MYO15B: variants seen among roughly 807,000 people sequenced by gnomAD.
MYO15B encodes the protein myosin XVB, also known as myosin XVB pseudogene.
MYO15B carries 207 observed loss-of-function variants against 119.3 expected under a neutral mutation model. The observed-to-expected ratio is 1.73, with a 90% CI of 1.55 to 1.95. The LOEUF is 1.95. Among genes scored for constraint, MYO15B ranks in the 30% most tolerant of loss-of-function variants. MYO15B has a pLI of 0.00. For missense variants in MYO15B, 2,264 were observed against 1,203.1 expected (o/e 1.88, Z -13.04); for synonymous variants, 966 against 498.9 (o/e 1.94, Z -12.48).
At position 75,614,026 on chromosome 17, in the gene MYO15B, G is replaced by A. The variant is rs2058201379; in HGVS notation, c.5220-173G>A. ...GCTGGAGCCCTTGTGGAAGTGGAGGGCCGTGAGGTGAGGAGGGGAGCAGCC... is the reference window on the plus strand; with the variant it reads ...GCTGGAGCCCTTGTGGAAGTGGAGGACCGTGAGGTGAGGAGGGGAGCAGCC... On this transcript the variant is annotated intron_variant, in intron 29 of 63. Coordinates refer to ENST00000645453, the Ensembl canonical transcript of MYO15B. The A allele has an allele frequency of 6.6e-6, 4 of 603,174 alleles. No homozygotes were observed. The East Asian group carries it at 8.3e-5, about 12-fold the overall frequency. The allele number at this position is 603,174 out of a possible 1,614,324, so 37.4% of individuals were successfully genotyped here.
At chr17:75,600,989 C>A (rs367581509) in intron 14 of MYO15B, among the ~76,000 whole-genome samples, 2 of 151,276 alleles carry the variant, frequency 1.3e-5, no homozygotes, top group Non-Finnish European at 2.9e-5. Context: ...CTGCAACCTC[C>A]GCCTCCTGGG....
At chr17:75,600,229 A>G (rs1458515140) in intron 14 of MYO15B, among the ~76,000 whole-genome samples, 1 of 151,802 alleles carries the variant, frequency 6.6e-6, no homozygotes, top group Non-Finnish European at 1.5e-5. Flanking sequence ...GGGTTTCACC[A>G]TGTTAGCCAG....
chr17:75,613,713 TA>T lies in MYO15B; in HGVS notation c.5156del (p.Tyr1719SerfsTer53), dbSNP rs2058177407. On this transcript the variant is annotated frameshift_variant, in exon 29 of 64. Transcript: ENST00000645453. LOFTEE classifies it high-confidence loss of function. Reference sequence around the variant, plus strand: ...CCCCCATGCCCCTGCAGAGGAGTGCTACTCGGCCGAGGTGGAGTCTTGGACC... The same window carrying T: ...CCCCCATGCCCCTGCAGAGGAGTGCTCTCGGCCGAGGTGGAGTCTTGGACC... 2.8e-6 allele frequency: 2 copies of T among 702,224 alleles called. No homozygotes were observed. The highest frequency in any genetic ancestry group is 5.2e-6 in the Non-Finnish European group (2 of 384,686). The allele number at this position is 702,224 out of a possible 1,614,324, so 43.5% of individuals were successfully genotyped here. A position where few individuals can be genotyped will look rare whatever the true frequency, so the allele number is the denominator to read the frequency against.
chr17:75,592,918 T>C (rs1301124439), intron 9 of MYO15B, 78 bp downstream of exon 9: 2 of 657,786 alleles, frequency 3.0e-6, no homozygotes, highest in Non-Finnish European at 5.6e-6. Flanking sequence ...CGCCAAATGC[T>C]GGTGTGTAGG....
At chr17:75,591,472 T>C in intron 4 of MYO15B, 129 bp from the exon 5 acceptor site, 2 of 646,344 alleles carry the variant, frequency 3.1e-6, no homozygotes, top group South Asian at 1.7e-5. Flanking sequence ...CCTGGGACTA[T>C]CTTTCCACAT....
rs548027729 is a variant in MYO15B at position 75,596,992 on chromosome 17, G to A, written c.3525+93G>A. On this transcript the variant is annotated intron_variant, in intron 14 of 63. Transcript: ENST00000645453. The stretch of plus-strand genomic sequence containing the variant: ...GTAGCTGGCAGAGCCTCCCAGAGGG[G>A]ACAAGGTTATGGGATCCAGCGACCC... 2.1e-4 allele frequency: 131 copies of A among 613,482 alleles called. No individual in the cohort carries two copies. In the Middle Eastern group the frequency reaches 3.0e-3, roughly 14 times the overall value. 38.0% of individuals were successfully genotyped at this position (613,482 alleles called of 1,614,324 possible).
At chr17:75,622,354 C>T (rs983838632) in intron 53 of MYO15B, among the ~76,000 whole-genome samples, 25 of 152,172 alleles carry the variant, frequency 1.6e-4, no homozygotes. Context: ...TGGCAGAAGC[C>T]TTCCTACAGG....
intron 18 of MYO15B, 48 bp from the exon 19 acceptor site, chr17:75,603,140 C>G: frequency 1.4e-6 from 1 of 703,202 alleles, no homozygotes; most frequent in Non-Finnish European, 2.6e-6. Context: ...CCCCACAGCT[C>G]TAGGCCCCTT....
At chr17:75,625,721 G>C (rs1278722459) in intron 61 of MYO15B, 61 bp downstream of exon 61, 1 of 701,552 alleles carries the variant, frequency 1.4e-6, no homozygotes, top group Non-Finnish European at 2.6e-6. Context: ...AAGGAATGCA[G>C]GTAGAGGGGC....
At position 75,615,058 on chromosome 17, in the gene MYO15B, A is replaced by G. The variant is rs1244391830; in HGVS notation, c.5641+16A>G. ...TACCCCATGGGTGAGTGAGGGGCTG[A>G]TTCCTCACCCAGGGCCTCCGGGCCC... is the stretch of plus-strand genomic sequence containing the variant. On this transcript the variant is annotated intron_variant, in intron 33 of 63. Coordinates refer to ENST00000645453, the Ensembl canonical transcript of MYO15B. The G allele has an allele frequency of 1.4e-6, 1 of 699,080 alleles. No individual in the cohort carries two copies. The highest frequency in any genetic ancestry group is 2.6e-6 in the Non-Finnish European group (1 of 383,504). 43.3% of individuals were successfully genotyped at this position (699,080 alleles called of 1,614,324 possible). A position where few individuals can be genotyped will look rare whatever the true frequency, so the allele number is the denominator to read the frequency against.
At chr17:75,593,021 T>C in intron 9 of MYO15B, 181 bp downstream of exon 9, 1 of 552,562 alleles carries the variant, frequency 1.8e-6, no homozygotes, top group South Asian at 2.5e-5. Context: ...ACTCTCCCAA[T>C]GTCTGTGCCT....
rs1179443707 is a variant in MYO15B at position 75,619,490 on chromosome 17, G to C, written c.7182+14G>C. 4.3e-6 allele frequency: 3 copies of C among 700,988 alleles called. No individual in the cohort carries two copies. Among genetic ancestry groups the C allele is most frequent in the Non-Finnish European group, 7.8e-6 (3 of 384,330 alleles). 43.4% of individuals were successfully genotyped at this position (700,988 alleles called of 1,614,324 possible). A position where few individuals can be genotyped will look rare whatever the true frequency, so the allele number is the denominator to read the frequency against. Reference sequence around the variant, plus strand: ...TTTCCTGTCTCGGTCAGTGGCGCTGGGGTAGGGAGTAGGGATGCCAGGCCC... The same window carrying C: ...TTTCCTGTCTCGGTCAGTGGCGCTGCGGTAGGGAGTAGGGATGCCAGGCCC... On this transcript the variant is annotated intron_variant, in intron 45 of 63. Transcript: ENST00000645453.
Position 75,615,609 on chromosome 17 carries a change from T to C in MYO15B, c.5838+9T>C. 1.4e-6 allele frequency: 1 copy of C among 692,906 alleles called. No homozygotes were observed. Among genetic ancestry groups the C allele is most frequent in the East Asian group, 2.7e-5 (1 of 37,194 alleles). 42.9% of individuals were successfully genotyped at this position (692,906 alleles called of 1,614,324 possible). A position where few individuals can be genotyped will look rare whatever the true frequency, so the allele number is the denominator to read the frequency against. On this transcript the variant is annotated intron_variant, in intron 35 of 63. Transcript: ENST00000645453. ...AGCAGGCGCTAATCCTGGTGAGCGC[T>C]GGCAGGGCCCTGGGGCCACCTGGTG...
chr17:75,588,602 C>T, exon 1 of MYO15B: 3 of 399,588 alleles, frequency 7.5e-6, no homozygotes, highest in Non-Finnish European at 1.3e-5. Flanking sequence ...GAGCTGCGGC[C>T]CACGCCGGAG....
chr17:75,606,480 A>AGCT (rs1399344203), intron 21 of MYO15B, among the ~76,000 whole-genome samples: 3 of 14,734 alleles, frequency 2.0e-4, no homozygotes, highest in East Asian at 0.022. Flanking sequence ...ACACTCAGCT[A>AGCT]ATTTTTTTTT....
At chr17:75,611,067 C>G (rs1192494137) in intron 23 of MYO15B, 108 bp downstream of exon 23, 1 of 689,468 alleles carries the variant, frequency 1.5e-6, no homozygotes, top group Non-Finnish European at 2.7e-6. Context: ...TCCCTCAGGG[C>G]CATGCATTGC....
At chr17:75,615,544 G>T (rs903272185) in exon 35 of MYO15B, 5 of 701,190 alleles carry the variant, frequency 7.1e-6, no homozygotes, top group Admixed American at 4.0e-5. Flanking sequence ...CAGCCTGGAT[G>T]CAGGGCAGCT....
exon 1 of MYO15B, chr17:75,588,520 G>C (rs2147661613): frequency 2.5e-6 from 1 of 398,622 alleles, no homozygotes; most frequent in Non-Finnish European, 4.4e-6. Flanking sequence ...GGGTGGGGAC[G>C]GAGGCAGCTC....
chr17:75,600,260 C>T (rs2057170792), intron 14 of MYO15B, among the ~76,000 whole-genome samples: 1 of 151,976 alleles, frequency 6.6e-6, no homozygotes, highest in East Asian at 1.9e-4. Flanking sequence ...ATCTCCTGAC[C>T]TCGTGATCCA....
Sources: allele counts gnomAD v4.1 joint callset (sites outside exome capture counted in the v4.1 genomes callset), GRCh38; gene constraint gnomAD v4.1.1; transcripts MANE v1.5; gene names NCBI Gene and HGNC (gene_info 2026-07-23, HGNC 2026-07-21).